MGAT4C: variants seen among roughly 807,000 people sequenced by gnomAD.
MGAT4C encodes the protein MGAT4 family member C.
In MGAT4C, 19 loss-of-function variants were observed where a neutral mutation model predicts 40.1. The observed-to-expected ratio is 0.47, with a 90% CI of 0.33 to 0.70. The LOEUF (loss-of-function observed/expected upper bound fraction) is 0.70. MGAT4C is among the 30% of genes least tolerant of loss of function. The pLI, the probability that MGAT4C is intolerant of heterozygous loss-of-function variation, is 0.02. For synonymous variants in MGAT4C, 181 were observed against 187.1 expected, an observed-to-expected ratio of 0.97 and a Z score of 0.27; for missense variants, 491 against 563.2, an observed-to-expected ratio of 0.87 and a Z score of 1.30.
chr12:86,708,106 G>T (rs949994800), intron 2 of MGAT4C, among the ~76,000 whole-genome samples: 1 of 152,186 alleles, frequency 6.6e-6, no homozygotes, highest in South Asian at 2.1e-4. Flanking sequence ...TCCATCACAG[G>T]CCCAGAGGCC....
At chr12:86,007,630 G>GA (rs532317519) in intron 2 of MGAT4C, among the ~76,000 whole-genome samples, 2 of 151,784 alleles carry the variant, frequency 1.3e-5, no homozygotes, top group African/African-American at 2.4e-5. Flanking sequence ...TAAACAAACA[G>GA]AAAAAAACAA....
chr12:86,696,907 C>G (rs1950270108), intron 2 of MGAT4C, among the ~76,000 whole-genome samples: 1 of 152,006 alleles, frequency 6.6e-6, no homozygotes, highest in Admixed American at 6.6e-5. Flanking sequence ...GGAAAATCAC[C>G]AGACAAATAA....
chr12:86,467,456 T>C (rs1957697812), intron 2 of MGAT4C, among the ~76,000 whole-genome samples: 1 of 152,194 alleles, frequency 6.6e-6, no homozygotes, highest in Non-Finnish European at 1.5e-5. Flanking sequence ...CTATCATTTA[T>C]AACCAATGTT....
chr12:86,446,658 C>CATATATAT lies in MGAT4C; in HGVS notation c.-228-11401_-228-11394dup, dbSNP rs34157468. 1.7e-3 allele frequency among the ~76,000 whole-genome samples: 60 copies of CATATATAT among 35,318 alleles called. 1 individual carries two copies. The highest frequency in any genetic ancestry group is 0.026 in the Middle Eastern group (1 of 38). The allele number at this position is 35,318 out of a possible 152,430, so 23.2% of individuals were successfully genotyped here. On this transcript the variant is annotated intron_variant, in intron 2 of 7. Coordinates refer to the MGAT4C transcript ENST00000548651. ...GGACTTAAAATTACATCATGTAACT[C>CATATATAT]ATATATATATATATATATATATATA...
chr12:86,653,556 G>A (rs1963759518), intron 2 of MGAT4C, among the ~76,000 whole-genome samples: 2 of 151,876 alleles, frequency 1.3e-5, no homozygotes, highest in African/African-American at 2.4e-5. Context: ...GCTAAAATTT[G>A]GATGTGGACG....
chr12:86,460,232 G>A (rs1957577900), intron 2 of MGAT4C, among the ~76,000 whole-genome samples: 1 of 152,134 alleles, frequency 6.6e-6, no homozygotes, highest in Non-Finnish European at 1.5e-5. Flanking sequence ...TAAAACAGCT[G>A]AGTTTGTGTG....
At chr12:86,562,801 G>T (rs918010756) in intron 2 of MGAT4C, among the ~76,000 whole-genome samples, 19 of 152,130 alleles carry the variant, frequency 1.2e-4, no homozygotes, top group African/African-American at 4.6e-4. Context: ...AAGGGTGTGG[G>T]ATAATGGTAG....
chr12:86,556,666 T>C (rs1429420164), intron 2 of MGAT4C, among the ~76,000 whole-genome samples: 1 of 152,206 alleles, frequency 6.6e-6, no homozygotes, highest in Non-Finnish European at 1.5e-5. Context: ...TCCTTTAATA[T>C]GCATTAAGTA....
intron 3 of MGAT4C, among the ~76,000 whole-genome samples, chr12:86,404,358 G>A (rs1411579092): frequency 6.6e-6 from 1 of 152,132 alleles, no homozygotes; most frequent in Non-Finnish European, 1.5e-5. Flanking sequence ...CATGTTACTT[G>A]TATATGTCTT....
At chr12:85,993,132 G>A (rs2136735549) in intron 2 of MGAT4C, among the ~76,000 whole-genome samples, 1 of 152,292 alleles carries the variant, frequency 6.6e-6, no homozygotes, top group East Asian at 1.9e-4. Context: ...TTTTCAAATG[G>A]TCCTGACAGG....
Position 85,967,682 on chromosome 12 carries a change from A to G in MGAT4C, c.*11607T>C, listed in dbSNP as rs1463268416. The G allele has an allele frequency of 6.6e-6, 1 of 152,118 alleles. No homozygotes were observed. The highest frequency in any genetic ancestry group is 2.4e-5 in the African/African-American group (1 of 41,456). The allele number at this position is 152,118 out of a possible 1,614,324, so 9.4% of individuals were successfully genotyped here. On this transcript the variant is annotated 3_prime_UTR_variant, in exon 5 of 5. Transcript: ENST00000611864. ...AAAATAATGTATTCATTGATCTCAT[A>G]AAGAATAGATGATCAGATTTTTTAA...
At chr12:86,677,847 A>C (rs946527997) in intron 2 of MGAT4C, among the ~76,000 whole-genome samples, 1 of 152,110 alleles carries the variant, frequency 6.6e-6, no homozygotes, top group Admixed American at 6.6e-5. Flanking sequence ...ACCTTTCTTC[A>C]TACTTCAGAA....
chr12:85,960,251 TACAG>T lies in MGAT4C; in HGVS notation c.*19034_*19037del, dbSNP rs1169657477. ...ACGTCTTTGTCTTATCCCCTTGTTA[TACAG>T]ACAAAGATGACAAGGGCCGAAAAGG... On this transcript the variant is annotated 3_prime_UTR_variant, in exon 5 of 5. Transcript: ENST00000611864. 3.3e-5 allele frequency: 5 copies of T among 152,030 alleles called. No homozygotes were observed. The highest frequency in any genetic ancestry group is 5.9e-5 in the Non-Finnish European group (4 of 67,918). 9.4% of individuals were successfully genotyped at this position (152,030 alleles called of 1,614,324 possible).
intron 2 of MGAT4C, among the ~76,000 whole-genome samples, chr12:85,991,876 G>A (rs1885983382): frequency 6.6e-6 from 1 of 152,178 alleles, no homozygotes; most frequent in Non-Finnish European, 1.5e-5. Flanking sequence ...GAGTTTCCAG[G>A]TGAGATTTCA....
rs184612792 is a variant in MGAT4C, at chr12:86,194,662, C to A, written c.-57+61577G>T. Among the ~76,000 whole-genome samples the A allele has an allele frequency of 5.3e-3, 803 of 151,678 alleles. 8 individuals are homozygous for A. The highest frequency in any genetic ancestry group is 0.019 in the African/African-American group (767 of 41,330). On this transcript the variant is annotated intron_variant, in intron 1 of 4. Coordinates refer to ENST00000611864, the MANE Select transcript of MGAT4C (RefSeq NM_001351288.2). ...TATTTTTAGTAGACATGGGGTTTCA[C>A]CATGTTGGCCGTGATGGTCTTGAAC... is the stretch of plus-strand genomic sequence containing the variant.
chr12:86,315,721 A>G (rs1303127017), intron 4 of MGAT4C, among the ~76,000 whole-genome samples: 1 of 152,014 alleles, frequency 6.6e-6, no homozygotes, highest in Non-Finnish European at 1.5e-5. Context: ...AAAAAGAAAA[A>G]AGAAAAATAA....
chr12:86,724,468 C>T (rs1258154355), intron 2 of MGAT4C, among the ~76,000 whole-genome samples: 2 of 152,134 alleles, frequency 1.3e-5, no homozygotes, highest in African/African-American at 4.8e-5. Flanking sequence ...TTTTGGGACC[C>T]CTACCTCCTC....
intron 1 of MGAT4C, among the ~76,000 whole-genome samples, chr12:86,826,142 A>G (rs1421563977): frequency 6.6e-6 from 1 of 151,358 alleles, no homozygotes; most frequent in Non-Finnish European, 1.5e-5. Context: ...CTCCTTCTTG[A>G]GCTTCCCTCT....
intron 4 of MGAT4C, among the ~76,000 whole-genome samples, chr12:86,323,734 TTA>T (rs1238164584): frequency 2.0e-5 from 3 of 151,948 alleles, no homozygotes; most frequent in African/African-American, 7.2e-5. Flanking sequence ...TAAAATAACT[TTA>T]TAGCTTCATG....
Sources: gnomAD v4.1 joint callset for allele counts (sites outside exome capture counted in the v4.1 genomes callset) on GRCh38, gnomAD v4.1.1 for gene constraint, MANE v1.5 for transcripts, NCBI Gene and HGNC (gene_info 2026-07-23, HGNC 2026-07-21) for gene names.